Variants in ZAN observed in about 807,000 individuals in gnomAD.
The protein encoded by ZAN is zonadhesin, also known as zonadhesin (gene/pseudogene).
ZAN carries 260 observed loss-of-function variants against 286.2 expected under a neutral mutation model. The observed-to-expected ratio is 0.91, with a 90% CI of 0.82 to 1.01. The LOEUF is 1.01. Among genes scored for constraint, ZAN ranks in the 50% least tolerant of loss-of-function variants. ZAN has a pLI of 0.00. For synonymous variants in ZAN, 1,368 were observed against 1,417.5 expected, an observed-to-expected ratio of 0.97 and a Z score of 0.79; for missense variants, 3,410 against 3,639.2, an observed-to-expected ratio of 0.94 and a Z score of 1.62.
intron 44 of ZAN, among the ~76,000 whole-genome samples, chr7:100,794,576 G>A (rs1812226514): frequency 6.6e-6 from 1 of 152,118 alleles, no homozygotes. Context: ...ACTCATGCCT[G>A]TAATCCCAGC....
chr7:100,758,660 G>A lies in ZAN; in HGVS notation c.3571+10G>A. On this transcript the variant is annotated intron_variant, in intron 17 of 47. Coordinates refer to ENST00000613979, the MANE Select transcript of ZAN (RefSeq NM_003386.3). ...TGTGGCAACTCAACAGGTAGGCCCTGGAGATGCCACTGCGGCCTGGGGGGA... is the reference window on the plus strand; with the variant it reads ...TGTGGCAACTCAACAGGTAGGCCCTAGAGATGCCACTGCGGCCTGGGGGGA... 3.2e-6 allele frequency: 5 copies of A among 1,551,392 alleles called. No homozygotes were observed. Among genetic ancestry groups the A allele is most frequent in the South Asian group, 1.2e-5 (1 of 84,080 alleles).
At chr7:100,751,567 G>C (rs1808665745) in intron 13 of ZAN, 145 bp from the exon 14 acceptor site, 1 of 875,936 alleles carries the variant, frequency 1.1e-6, no homozygotes, top group Admixed American at 3.3e-5. Flanking sequence ...ATTAGTGTTC[G>C]TTGAGTGGAT....
At chr7:100,747,969 G>A (rs1478748001) in intron 9 of ZAN, among the ~76,000 whole-genome samples, 168 bp from the exon 10 acceptor site, 1 of 146,722 alleles carries the variant, frequency 6.8e-6, no homozygotes, top group Non-Finnish European at 1.5e-5. Flanking sequence ...TCCAGCCTGG[G>A]CAATAGAGCA....
intron 28 of ZAN, among the ~76,000 whole-genome samples, chr7:100,770,206 T>C (rs1473687864): frequency 3.3e-5 from 5 of 151,610 alleles, no homozygotes; most frequent in Non-Finnish European, 7.4e-5. Flanking sequence ...TTTTTTCCTA[T>C]TAAAAATGTT....
At chr7:100,765,714 T>G (rs934242318) in intron 23 of ZAN, among the ~76,000 whole-genome samples, 160 bp downstream of exon 23, 1 of 152,246 alleles carries the variant, frequency 6.6e-6, no homozygotes, top group African/African-American at 2.4e-5. Context: ...AGTGGCACGA[T>G]CTCGGCTCAC....
intron 27 of ZAN, among the ~76,000 whole-genome samples, chr7:100,769,177 TCC>T: frequency 1.3e-5 from 2 of 152,140 alleles, no homozygotes; most frequent in African/African-American, 4.8e-5. Flanking sequence ...CGCTGCAACT[TCC>T]GCCTCCCAGG....
Position 100,790,965 on chromosome 7 carries a change from G to T in ZAN, c.7381G>T (p.Glu2461Ter). Residue 2461 changes from glutamate to a stop codon, truncating the protein, a stop_gained, in exon 40 of 48, where the codon GAG (glutamate) becomes TAG (stop). Coordinates refer to ENST00000613979, the MANE Select transcript of ZAN (RefSeq NM_003386.3). LOFTEE classifies it high-confidence loss of function. ...AGTGATCTCCCTACCCAGCATGTAC[G>T]AGGGGCTTGTGAGTGGCCTGTGCGG... Reference protein sequence around the residue: ...NAVISLPSMYEGLVSGLCGNY... With the variant: ...NAVISLPSMY The T allele has an allele frequency of 2.5e-6, 4 of 1,612,070 alleles. No homozygotes were observed. Among genetic ancestry groups the T allele is most frequent in the Non-Finnish European group, 3.4e-6 (4 of 1,179,274 alleles).
intron 39 of ZAN, among the ~76,000 whole-genome samples, chr7:100,790,358 C>T (rs1212586795): frequency 2.7e-5 from 4 of 150,746 alleles, no homozygotes; most frequent in South Asian, 4.2e-4. Context: ...GTCAGGAGAT[C>T]GAGACCATCC....
intron 36 of ZAN, among the ~76,000 whole-genome samples, chr7:100,785,560 A>T (rs997056397): frequency 2.0e-5 from 3 of 151,956 alleles, no homozygotes; most frequent in African/African-American, 4.8e-5. Flanking sequence ...TGACCAAATG[A>T]CACTGTGGCT....
intron 29 of ZAN, among the ~76,000 whole-genome samples, chr7:100,772,713 C>T (rs1022696712): frequency 4.0e-5 from 6 of 151,364 alleles, no homozygotes; most frequent in Admixed American, 6.6e-5. Context: ...CCCAGCTACT[C>T]GGGAGGCTGA....
Position 100,741,149 on chromosome 7 carries a change from C to CA in ZAN, c.766+2536_766+2537insA, listed in dbSNP as rs1420612607. Among the ~76,000 whole-genome samples the CA allele has an allele frequency of 3.9e-3, 181 of 46,846 alleles. 3 individuals carry two copies. The highest frequency in any genetic ancestry group is 6.9e-3 in the Non-Finnish European group (134 of 19,552). 30.7% of individuals were successfully genotyped at this position (46,846 alleles called of 152,430 possible). A position where few individuals can be genotyped will look rare whatever the true frequency, so the allele number is the denominator to read the frequency against. On this transcript the variant is annotated intron_variant, in intron 7 of 47. Transcript: ENST00000613979. The stretch of plus-strand genomic sequence containing the variant: ...CTCCCGGACGGGGCGGCTGGCCGGG[C>CA]GGGGGGCTGACCCCCCCACCTCCCT...
intron 14 of ZAN, among the ~76,000 whole-genome samples, chr7:100,754,163 A>G (rs1808984852): frequency 6.6e-6 from 1 of 152,086 alleles, no homozygotes; most frequent in Admixed American, 6.6e-5. Context: ...CATTCCTTTA[A>G]AAAAAGTATT....
chr7:100,767,116 G>A lies in ZAN; in HGVS notation c.4719G>A (p.Trp1573Ter), dbSNP rs1279357529. The A allele has an allele frequency of 3.1e-6, 5 of 1,613,896 alleles. No individual in the cohort carries two copies. The highest frequency in any genetic ancestry group is 4.2e-6 in the Non-Finnish European group (5 of 1,179,868). Residue 1573 changes from tryptophan (W) to a stop codon, truncating the protein, a stop_gained, in exon 25 of 48, where the codon TGG becomes TGA. Transcript: ENST00000613979. LOFTEE classifies it high-confidence loss of function. Reference sequence around the variant, plus strand: ...CCTATGTCCTGACCCGGCCTTGCTGGTCCAGGTCCCAAGACAGCTATTTTG... The same window carrying A: ...CCTATGTCCTGACCCGGCCTTGCTGATCCAGGTCCCAAGACAGCTATTTTG... ...TCTYVLTRPCWSRSQDSYFVV... is the reference protein window; with the variant it reads ...TCTYVLTRPC
At chr7:100,768,494 A>G in intron 26 of ZAN, 116 bp from the exon 27 acceptor site, 1 of 853,990 alleles carries the variant, frequency 1.2e-6, no homozygotes, top group Non-Finnish European at 1.8e-6. Context: ...AAAGAGACAG[A>G]AAGGGTTAAC....
intron 26 of ZAN, 113 bp downstream of exon 26, chr7:100,768,124 A>G: frequency 7.6e-7 from 1 of 1,310,462 alleles, no homozygotes; most frequent in Non-Finnish European, 1.0e-6. Flanking sequence ...CAACTGACTA[A>G]TTCGTTGAGG....
At chr7:100,748,269 G>A in intron 10 of ZAN, 54 bp downstream of exon 10, 1 of 1,613,854 alleles carries the variant, frequency 6.2e-7, no homozygotes, top group Non-Finnish European at 8.5e-7. Context: ...GTGGGCTGGG[G>A]GAGGGCTGGA....
chr7:100,741,516 AC>A (rs1447354339), intron 7 of ZAN, among the ~76,000 whole-genome samples: 5 of 33,664 alleles, frequency 1.5e-4, no homozygotes, highest in Admixed American at 2.7e-4. Flanking sequence ...AGGGGGGCTG[AC>A]CCCCCCCACC....
intron 24 of ZAN, 27 bp downstream of exon 24, chr7:100,766,693 T>G: frequency 6.4e-7 from 1 of 1,556,630 alleles, no homozygotes. Context: ...GAAGGTGAGC[T>G]GGGGGCTGCC....
Position 100,748,472 on chromosome 7 carries a change from T to C in ZAN, c.1249+2T>C, listed in dbSNP as rs1017705292. 7 of 1,607,030 alleles carry C rather than the reference T, an allele frequency of 4.4e-6. No homozygotes were observed. Among genetic ancestry groups the C allele is most frequent in the Non-Finnish European group, 5.9e-6 (7 of 1,176,866 alleles). Reference sequence around the variant, plus strand: ...CTGCGGGAGGTTTCCCTAATGCAGGTGAGGAGATTGAGGAGCGCTCACGCC... The same window carrying C: ...CTGCGGGAGGTTTCCCTAATGCAGGCGAGGAGATTGAGGAGCGCTCACGCC... On this transcript the variant is annotated splice_donor_variant, in intron 11 of 47. Coordinates refer to ENST00000613979, the MANE Select transcript of ZAN (RefSeq NM_003386.3). LOFTEE classifies it high-confidence loss of function.
Sources: allele counts gnomAD v4.1 joint callset (sites outside exome capture counted in the v4.1 genomes callset), GRCh38; gene constraint gnomAD v4.1.1; transcripts MANE v1.5; gene names NCBI Gene and HGNC (gene_info 2026-07-23, HGNC 2026-07-21).